CCDC57: variants seen among roughly 807,000 people sequenced by gnomAD.
CCDC57 encodes coiled-coil domain containing 57.
In CCDC57, 118 loss-of-function variants were observed where a neutral mutation model predicts 118.9. The observed-to-expected ratio is 0.99, with a 90% confidence interval of 0.86 to 1.16. CCDC57 has a LOEUF of 1.16. Ranked by LOEUF, CCDC57 falls within the 50% of genes most tolerant of loss-of-function variation. The pLI is 0.00. For synonymous variants in CCDC57, 527 were observed against 532.9 expected (o/e 0.99, Z 0.15); for missense variants, 1,300 against 1,320.7 (o/e 0.98, Z 0.24).
intron 19 of CCDC57, among the ~76,000 whole-genome samples, chr17:82,110,572 C>T (rs1274571401): frequency 1.3e-5 from 2 of 152,176 alleles, no homozygotes; most frequent in African/African-American, 4.8e-5. Context: ...CAGACCATGC[C>T]TAGAATCTCA....
At chr17:82,123,205 G>A (rs1355444704) in intron 19 of CCDC57, among the ~76,000 whole-genome samples, 1 of 138,980 alleles carries the variant, frequency 7.2e-6, no homozygotes, top group Non-Finnish European at 1.5e-5. Flanking sequence ...ACAGCTCACT[G>A]CGGCCTAGAA....
At chr17:82,131,065 G>A (rs78303892) in intron 17 of CCDC57, among the ~76,000 whole-genome samples, 70,040 of 150,058 alleles carry the variant, frequency 0.47, 17,126 homozygotes, top group East Asian at 0.88. Flanking sequence ...CACCCGTCTC[G>A]GCCTCCCAAA....
At chr17:82,121,564 G>A (rs749416311) in intron 19 of CCDC57, among the ~76,000 whole-genome samples, 5 of 152,220 alleles carry the variant, frequency 3.3e-5, no homozygotes, top group Non-Finnish European at 5.9e-5. Flanking sequence ...AAAGATTCAG[G>A]AGAGAGAGGC....
chr17:82,178,980 T>C (rs1216578690), intron 10 of CCDC57, 47 bp downstream of exon 9: 17 of 1,596,310 alleles, frequency 1.1e-5, no homozygotes, highest in Non-Finnish European at 1.5e-5. Context: ...CAGCCCCACC[T>C]CTGCAGAGAC....
At chr17:82,199,289 C>G (rs1002668877) in intron 3 of CCDC57, among the ~76,000 whole-genome samples, 3 of 151,624 alleles carry the variant, frequency 2.0e-5, no homozygotes, top group African/African-American at 7.3e-5. Flanking sequence ...ACCAGCCTGG[C>G]CAACATGGTG....
chr17:82,145,955 C>T, intron 16 of CCDC57: 1 of 323,716 alleles, frequency 3.1e-6, no homozygotes, highest in South Asian at 2.3e-5. Context: ...TCTATATGGG[C>T]ACCGGCAGCA....
exon 9 of CCDC57, chr17:82,183,928 G>A (rs267605098): frequency 4.7e-5 from 76 of 1,610,684 alleles, no homozygotes; most frequent in Non-Finnish European, 5.3e-5. Context: ...GCATCTTCAC[G>A]AAGTCTAAAC....
intron 19 of CCDC57, among the ~76,000 whole-genome samples, chr17:82,123,293 C>CT (rs35898082): frequency 0.018 from 1,989 of 111,048 alleles, 75 homozygotes; most frequent in African/African-American, 0.062. Context: ...GTGCCCGGCC[C>CT]TTTTTTTTTT....
intron 19 of CCDC57, among the ~76,000 whole-genome samples, chr17:82,111,482 G>A (rs139154042): frequency 0.01 from 1,513 of 149,202 alleles, 19 homozygotes; most frequent in African/African-American, 0.036. Flanking sequence ...GGGCTCAAAC[G>A]ATACTCCTGC....
intron 14 of CCDC57, 69 bp downstream of exon 13, chr17:82,163,131 C>G (rs1599053027): frequency 6.4e-7 from 1 of 1,563,542 alleles, no homozygotes; most frequent in Non-Finnish European, 8.7e-7. Flanking sequence ...GGCAGCCGCT[C>G]AGAGCCCACG....
At chr17:82,107,402 C>T in intron 19 of CCDC57, 1 of 468,000 alleles carries the variant, frequency 2.1e-6, no homozygotes, top group Non-Finnish European at 4.4e-6. Flanking sequence ...TGCCTCGAAC[C>T]CTGCTGTGTG....
chr17:82,140,226 C>T (rs2039836120), intron 16 of CCDC57, among the ~76,000 whole-genome samples: 1 of 152,164 alleles, frequency 6.6e-6, no homozygotes, highest in African/African-American at 2.4e-5. Flanking sequence ...GCTGGGACTA[C>T]AGATGCCCGC....
At chr17:82,126,599 G>A (rs971970909) in intron 19 of CCDC57, 23 of 985,250 alleles carry the variant, frequency 2.3e-5, no homozygotes, top group African/African-American at 1.4e-4. Context: ...TGCTGCCACC[G>A]GCAAAAGTTC....
intron 19 of CCDC57, among the ~76,000 whole-genome samples, chr17:82,110,127 C>A (rs1179626974): frequency 6.6e-6 from 1 of 151,308 alleles, no homozygotes; most frequent in Non-Finnish European, 1.5e-5. Context: ...ATTACAGGTG[C>A]CTGCCACCAC....
intron 19 of CCDC57, among the ~76,000 whole-genome samples, chr17:82,102,270 G>T (rs994889216): frequency 6.6e-6 from 1 of 152,240 alleles, no homozygotes; most frequent in Non-Finnish European, 1.5e-5. Flanking sequence ...GCTGCCCCGG[G>T]TGTCCCTACC....
intron 16 of CCDC57, among the ~76,000 whole-genome samples, chr17:82,145,248 C>G (rs2040564487): frequency 7.0e-6 from 1 of 142,732 alleles, no homozygotes; most frequent in Non-Finnish European, 1.5e-5. Flanking sequence ...AGGCTGGTCT[C>G]AAACTCTTGA....
At chr17:82,196,035 C>A (rs541696727) in intron 4 of CCDC57, among the ~76,000 whole-genome samples, 1 of 152,330 alleles carries the variant, frequency 6.6e-6, no homozygotes, top group African/African-American at 2.4e-5. Flanking sequence ...CTGAGAAATT[C>A]GGCGTGGACA....
At chr17:82,140,338 G>A (rs8074706) in intron 16 of CCDC57, among the ~76,000 whole-genome samples, 70,847 of 151,584 alleles carry the variant, frequency 0.47, 17,290 homozygotes, top group East Asian at 0.88. Context: ...TGCCTGCCTC[G>A]GCCTCCCAAA....
At chr17:82,179,568 T>G (rs1376229220) in intron 9 of CCDC57, among the ~76,000 whole-genome samples, 1 of 143,998 alleles carries the variant, frequency 6.9e-6, no homozygotes, top group Non-Finnish European at 1.5e-5. Flanking sequence ...AGCCACGGGG[T>G]GGGCAGGGCT....
Sources: gnomAD v4.1 joint callset for allele counts (sites outside exome capture counted in the v4.1 genomes callset) on GRCh38, gnomAD v4.1.1 for gene constraint, MANE v1.5 for transcripts, NCBI Gene and HGNC (gene_info 2026-07-23, HGNC 2026-07-21) for gene names.